The following MUC12 variants were observed in gnomAD, a reference collection of about 807,000 sequenced individuals.
The protein encoded by MUC12 is mucin-12.
A neutral mutation model predicts 230.8 loss-of-function variants in MUC12; 172 were observed. The observed-to-expected ratio is 0.75, with a 90% CI of 0.66 to 0.85. The LOEUF (loss-of-function observed/expected upper bound fraction) is 0.85, where lower values mean the gene tolerates loss of function less well. MUC12 is among the 40% of genes least tolerant of loss of function. The probability of loss-of-function intolerance (pLI) is 0.00; values close to 1 mark genes in which losing one functional copy is unlikely to be tolerated. For synonymous variants in MUC12, 1,259 were observed against 2,401.9 expected (o/e 0.52, Z 13.91); for missense variants, 3,506 against 5,920.6 (o/e 0.59, Z 13.38).
chr7:100,995,830 C>A lies in MUC12; in HGVS notation c.5267C>A (p.Ser1756Ter), dbSNP rs776303704. ...SSPVATATTPSPARSTTSGLV... is the reference protein window; with the variant it reads ...SSPVATATTP Reference sequence around the variant, plus strand: ...CCAGTTGCAACTGCAACAACACCCTCGCCTGCCCGCTCCACAACCTCAGGC... The same window carrying A: ...CCAGTTGCAACTGCAACAACACCCTAGCCTGCCCGCTCCACAACCTCAGGC... Residue 1756 changes from serine to a stop codon, truncating the protein, a stop_gained, in exon 2 of 12, where the codon TCG (serine) becomes TAG (stop). Coordinates refer to ENST00000536621, the MANE Select transcript of MUC12 (RefSeq NM_001164462.2). LOFTEE classifies it high-confidence loss of function. 2.0e-6 allele frequency: 3 copies of A among 1,469,768 alleles called. No individual in the cohort carries two copies. Among genetic ancestry groups the A allele is most frequent in the Non-Finnish European group, 1.8e-6 (2 of 1,096,190 alleles). 91.0% of individuals were successfully genotyped at this position (1,469,768 alleles called of 1,614,324 possible).
intron 5 of MUC12, among the ~76,000 whole-genome samples, chr7:101,009,932 T>G (rs1562793773): frequency 6.6e-6 from 1 of 152,192 alleles, no homozygotes; most frequent in Non-Finnish European, 1.5e-5. Context: ...ATCAGCAGTG[T>G]AGACCCATGA....
chr7:100,991,943 T>A lies in MUC12; in HGVS notation c.1380T>A (p.Val460=). 1 of 1,537,668 alleles carries A rather than the reference T, an allele frequency of 6.5e-7. No homozygotes were observed. The highest frequency in any genetic ancestry group is 8.7e-7 in the Non-Finnish European group (1 of 1,147,024). ...TACCTGCCGGCTCTACACCCTCAGT[T>A]CTTGTTGGAGACTCGACGCCCTCAC... The part of the protein sequence containing the change: ...TVLPAGSTPS[V]LVGDSTPSPI... Residue 460 remains valine, a synonymous_variant, in exon 2 of 12, where the codon GTT becomes GTA. Transcript: ENST00000536621.
intron 1 of MUC12, among the ~76,000 whole-genome samples, chr7:100,989,486 G>A (rs963915081): frequency 1.3e-5 from 2 of 152,090 alleles, no homozygotes; most frequent in Non-Finnish European, 2.9e-5. Context: ...GCAAAATGCA[G>A]AATGTGAGGA....
chr7:100,986,283 C>G (rs565460673), intron 1 of MUC12, among the ~76,000 whole-genome samples: 2 of 152,096 alleles, frequency 1.3e-5, no homozygotes, highest in South Asian at 4.2e-4. Flanking sequence ...GAGGATCGCT[C>G]CAGCCTAGAA....
chr7:101,017,569 C>T lies in MUC12; in HGVS notation c.15878-6C>T, dbSNP rs1186397650. ...TCCCATCACTCATCACGGCCTCTCC[C>T]TACAGACCAGAATCTGAGGGAGAGC... On this transcript the variant is annotated splice_region_variant and splice_polypyrimidine_tract_variant and intron_variant, in intron 10 of 11. Coordinates refer to ENST00000536621, the MANE Select transcript of MUC12 (RefSeq NM_001164462.2). The T allele has an allele frequency of 2.0e-6, 3 of 1,533,266 alleles. No individual in the cohort carries two copies. The highest frequency in any genetic ancestry group is 2.4e-5 in the South Asian group (2 of 83,906). 95.0% of individuals were successfully genotyped at this position (1,533,266 alleles called of 1,614,324 possible). A position where few individuals can be genotyped will look rare whatever the true frequency, so the allele number is the denominator to read the frequency against.
rs1434133785 is a variant in MUC12, at chr7:101,002,840, C to A, written c.12277C>A (p.Pro4093Thr). 9 of 1,040,570 alleles carry A rather than the reference C, an allele frequency of 8.6e-6. 3 individuals carry two copies. Among genetic ancestry groups the A allele is most frequent in the Non-Finnish European group, 9.2e-6 (7 of 763,636 alleles). The allele number at this position is 1,040,570 out of a possible 1,614,324, so 64.5% of individuals were successfully genotyped here. A position where few individuals can be genotyped will look rare whatever the true frequency, so the allele number is the denominator to read the frequency against. Reference sequence around the variant, plus strand: ...AAGCTCAAGTGACACAACACCTTCACCTCCCAGCACCACAGCAGTCCCTGT... The same window carrying A: ...AAGCTCAAGTGACACAACACCTTCAACTCCCAGCACCACAGCAGTCCCTGT... Reference protein sequence around the residue: ...WPSSSDTTPSPPSTTAVPVEV... With the variant: ...WPSSSDTTPSTPSTTAVPVEV... The change falls in exon 2 of 12, where the codon CCT (proline) becomes ACT (threonine). Residue 4093 changes from proline to threonine, a missense_variant. Coordinates refer to ENST00000536621, the MANE Select transcript of MUC12 (RefSeq NM_001164462.2).
chr7:100,984,757 G>A (rs550441244), intron 1 of MUC12, among the ~76,000 whole-genome samples: 1 of 152,294 alleles, frequency 6.6e-6, no homozygotes, highest in South Asian at 2.1e-4. Context: ...GTAATGAGCT[G>A]ATTATGATAC....
chr7:100,982,066 C>T (rs907789111), intron 1 of MUC12, among the ~76,000 whole-genome samples: 9 of 151,980 alleles, frequency 5.9e-5, no homozygotes, highest in African/African-American at 1.9e-4. Flanking sequence ...GAGGTTTCAC[C>T]GTGTTGGCCA....
Position 100,991,285 on chromosome 7 carries a change from C to T in MUC12, c.722C>T (p.Thr241Ile), listed in dbSNP as rs371764016. Residue 241 changes from threonine to isoleucine, a missense_variant, in exon 2 of 12, where the codon ACA becomes ATA. Coordinates refer to ENST00000536621, the MANE Select transcript of MUC12 (RefSeq NM_001164462.2). Reference protein sequence around the residue: ...TKTTRLPDNTTTSGLLEASTP... With the variant: ...TKTTRLPDNTITSGLLEASTP... The stretch of plus-strand genomic sequence containing the variant: ...ACAACACGCTTACCTGACAACACCA[C>T]AACCTCAGGCCTCCTTGAAGCATCT... The T allele has an allele frequency of 1.4e-4, 209 of 1,537,654 alleles. No homozygotes were observed. The highest frequency in any genetic ancestry group is 1.8e-4 in the Non-Finnish European group (203 of 1,147,046).
In MUC12 at chr7:101,016,658, T is replaced by A. The variant is rs952045401; in HGVS notation, c.15878-917T>A. 1.4e-4 allele frequency among the ~76,000 whole-genome samples: 18 copies of A among 127,858 alleles called. No individual in the cohort carries two copies. The Admixed American group carries it at 1.5e-3, about 11-fold the overall frequency. The allele number at this position is 127,858 out of a possible 152,430, so 83.9% of individuals were successfully genotyped here. On this transcript the variant is annotated intron_variant, in intron 10 of 11. Coordinates refer to ENST00000536621, the MANE Select transcript of MUC12 (RefSeq NM_001164462.2). Reference sequence around the variant, plus strand: ...ACTCAAAAGGCCATTCAGGGAGCACTAAAGCAGGGAGACCAGGTGGAGGAA... The same window carrying A: ...ACTCAAAAGGCCATTCAGGGAGCACAAAAGCAGGGAGACCAGGTGGAGGAA...
At chr7:101,009,209 C>T (rs780610884) in intron 5 of MUC12, 50 bp downstream of exon 5, 58 of 1,502,774 alleles carry the variant, frequency 3.9e-5, no homozygotes, top group South Asian at 1.6e-4. Context: ...TCCTCCTTGT[C>T]CCTGCTTTCC....
At chr7:101,010,618 G>T (rs529395107) in intron 5 of MUC12, among the ~76,000 whole-genome samples, 2 of 152,020 alleles carry the variant, frequency 1.3e-5, no homozygotes, top group Non-Finnish European at 2.9e-5. Flanking sequence ...AGGTTCAAGT[G>T]ATTATCCTGC....
intron 1 of MUC12, among the ~76,000 whole-genome samples, chr7:100,985,521 G>A (rs1433985000): frequency 6.6e-6 from 1 of 152,190 alleles, no homozygotes; most frequent in Non-Finnish European, 1.5e-5. Flanking sequence ...TCTGCTTTGG[G>A]AAAGGGCTGT....
chr7:101,005,511 T>G lies in MUC12; in HGVS notation c.14948T>G (p.Leu4983Ter), dbSNP rs1236332243. 2 of 1,536,352 alleles carry G rather than the reference T, an allele frequency of 1.3e-6. No individual in the cohort carries two copies. Among genetic ancestry groups the G allele is most frequent in the Admixed American group, 3.9e-5 (2 of 50,982 alleles). The change falls in exon 2 of 12, where the codon TTA becomes TGA. Residue 4983 changes from leucine to a stop codon, truncating the protein, a stop_gained. Coordinates refer to ENST00000536621, the MANE Select transcript of MUC12 (RefSeq NM_001164462.2). LOFTEE classifies it high-confidence loss of function. ...TIVSTESLETLAPGLCQEGQI... is the reference protein window; with the variant it reads ...TIVSTESLET ...GTGTCTACTGAAAGCCTGGAAACCT[T>G]AGCACCAGGTACTGCTCTTTCCATT...
At chr7:100,988,251 G>A (rs1178875669) in intron 1 of MUC12, among the ~76,000 whole-genome samples, 3 of 141,500 alleles carry the variant, frequency 2.1e-5, no homozygotes, top group South Asian at 2.3e-4. Flanking sequence ...AGCCGAGATC[G>A]CGCCAATGCA....
At chr7:101,010,865 G>T (rs1187211039) in intron 5 of MUC12, among the ~76,000 whole-genome samples, 8 of 151,966 alleles carry the variant, frequency 5.3e-5, no homozygotes, top group Admixed American at 1.3e-4. Context: ...GCCCGGGCTG[G>T]TCTCAAACTC....
chr7:100,985,850 G>C (rs1406420902), intron 1 of MUC12, among the ~76,000 whole-genome samples: 1 of 152,004 alleles, frequency 6.6e-6, no homozygotes, highest in Non-Finnish European at 1.5e-5. Context: ...GGGAAGGAAC[G>C]CCTGCGTGAG....
Position 101,008,552 on chromosome 7 carries a change from C to T in MUC12, c.15059-82C>T, listed in dbSNP as rs1345580592. ...TTAAGTTTCTTTCACCTTCAAGACA[C>T]CCACAGGCAGAGAATGTATCAATCC... On this transcript the variant is annotated intron_variant, in intron 3 of 11. Transcript: ENST00000536621. 9 of 1,459,358 alleles carry T rather than the reference C, an allele frequency of 6.2e-6. No individual in the cohort carries two copies. In the Admixed American group the frequency reaches 7.1e-5, roughly 11 times the overall value. 90.4% of individuals were successfully genotyped at this position (1,459,358 alleles called of 1,614,324 possible).
chr7:101,011,596 AT>A, intron 5 of MUC12, among the ~76,000 whole-genome samples: 1 of 151,742 alleles, frequency 6.6e-6, no homozygotes, highest in Non-Finnish European at 1.5e-5. Context: ...TAATTTTTGT[AT>A]TTTTTGTAGA....
Sources: gnomAD v4.1 joint callset for allele counts (sites outside exome capture counted in the v4.1 genomes callset) on GRCh38, gnomAD v4.1.1 for gene constraint, MANE v1.5 for transcripts, NCBI Gene and HGNC (gene_info 2026-07-23, HGNC 2026-07-21) for gene names.